Variants in MYPN observed in about 807,000 individuals in gnomAD.
MYPN encodes the protein sarcomeric protein myopalladin, 145 kDa (MYOP).
Under a neutral mutation model 129.4 loss-of-function variants are expected in MYPN, and 63 were observed. The ratio of observed to expected loss-of-function variants is 0.49; its 90% CI spans 0.40 to 0.60. The LOEUF (loss-of-function observed/expected upper bound fraction) is 0.60. Among genes scored for constraint, MYPN ranks in the 20% least tolerant of loss-of-function variants. The pLI is 0.00. For synonymous variants in MYPN, 629 were observed against 600.9 expected (o/e 1.05, Z -0.68); for missense variants, 1,596 against 1,635.4 (o/e 0.98, Z 0.42).
chr10:68,200,762 A>C (rs536222069), intron 17 of MYPN, among the ~76,000 whole-genome samples: 1 of 152,190 alleles, frequency 6.6e-6, no homozygotes, highest in Non-Finnish European at 1.5e-5. Flanking sequence ...CATCTCAAAA[A>C]AAAAAAGAAG....
chr10:68,198,850 A>G (rs1288716712), intron 16 of MYPN, among the ~76,000 whole-genome samples: 1 of 143,954 alleles, frequency 6.9e-6, no homozygotes, highest in African/African-American at 2.5e-5. Flanking sequence ...GGAGCATACC[A>G]TGCCCTGTTG....
At chr10:68,191,453 A>G (rs2043510690) in intron 13 of MYPN, among the ~76,000 whole-genome samples, 1 of 152,042 alleles carries the variant, frequency 6.6e-6, no homozygotes. Flanking sequence ...CCTGGCCTCA[A>G]GTGATCTGCT....
intron 6 of MYPN, among the ~76,000 whole-genome samples, chr10:68,151,076 C>T (rs1461428637): frequency 6.6e-6 from 1 of 152,084 alleles, no homozygotes; most frequent in African/African-American, 2.4e-5. Flanking sequence ...AGGATGACAG[C>T]CCCCCACAAC....
intron 12 of MYPN, among the ~76,000 whole-genome samples, chr10:68,182,830 C>T (rs888350094): frequency 6.6e-6 from 1 of 152,078 alleles, no homozygotes; most frequent in Non-Finnish European, 1.5e-5. Context: ...TTTTTAAAAA[C>T]TCATTGAGTT....
Position 68,196,937 on chromosome 10 carries a change from C to T in MYPN, c.3159-415C>T, listed in dbSNP as rs145166810. Among the ~76,000 whole-genome samples, 1,211 of 152,266 alleles carry T rather than the reference C, an allele frequency of 8.0e-3. 7 individuals carry two copies. The highest frequency in any genetic ancestry group is 0.018 in the South Asian group (87 of 4,824). On this transcript the variant is annotated intron_variant, in intron 15 of 19. Coordinates refer to ENST00000358913, the MANE Select transcript of MYPN (RefSeq NM_032578.4). ...CAGGTTAAATTTTATTACTCAAAGA[C>T]ACAGGGATTGCAGCTGCCTTACTCT...
chr10:68,195,541 A>C lies in MYPN; in HGVS notation c.3158+9A>C. The C allele has an allele frequency of 6.2e-7, 1 of 1,612,420 alleles. No individual in the cohort carries two copies. Among genetic ancestry groups the C allele is most frequent in the Admixed American group, 1.7e-5 (1 of 60,004 alleles). On this transcript the variant is annotated intron_variant, in intron 15 of 19. Transcript: ENST00000358913. The stretch of plus-strand genomic sequence containing the variant: ...GCTGGTCAGTCTCACAGGTAAAGAC[A>C]GTAAGAATTCCCCCTCTCTAGGCCC...
chr10:68,165,835 G>T lies in MYPN; in HGVS notation c.1600+17G>T. On this transcript the variant is annotated intron_variant, in intron 9 of 19. Transcript: ENST00000358913. ...ACGTGAGAGGTAAGGACTCTTTAATGCTAGAACAGTTTAGCCTATGACTTT... is the reference window on the plus strand; with the variant it reads ...ACGTGAGAGGTAAGGACTCTTTAATTCTAGAACAGTTTAGCCTATGACTTT... 6.3e-7 allele frequency: 1 copy of T among 1,587,982 alleles called. No individual in the cohort carries two copies. The highest frequency in any genetic ancestry group is 8.6e-7 in the Non-Finnish European group (1 of 1,156,238).
chr10:68,098,329 A>G lies in MYPN; in HGVS notation c.-2+10337A>G, dbSNP rs185542324. On this transcript the variant is annotated intron_variant, in intron 1 of 6. Transcript: ENST00000685154. Reference sequence around the variant, plus strand: ...AAGTTAAACATTACCTGATCGTGGCACTTGGAAACGTTCTCTGCCCTTCAC... The same window carrying G: ...AAGTTAAACATTACCTGATCGTGGCGCTTGGAAACGTTCTCTGCCCTTCAC... Among the ~76,000 whole-genome samples the G allele has an allele frequency of 7.9e-5, 12 of 152,256 alleles. No individual in the cohort carries two copies. The East Asian group carries it at 2.3e-3, about 29-fold the overall frequency.
intron 18 of MYPN, 68 bp downstream of exon 18, chr10:68,202,062 T>C: frequency 6.4e-7 from 1 of 1,556,932 alleles, no homozygotes; most frequent in African/African-American, 1.4e-5. Flanking sequence ...CCCAAATAAG[T>C]CTGCTGCTAT....
chr10:68,187,663 A>T (rs2043443268), intron 12 of MYPN, among the ~76,000 whole-genome samples: 1 of 152,182 alleles, frequency 6.6e-6, no homozygotes, highest in Non-Finnish European at 1.5e-5. Context: ...TGACTCTGGA[A>T]TTCTGGGAAA....
chr10:68,095,775 G>C (rs2041953743), intron 1 of MYPN, among the ~76,000 whole-genome samples: 1 of 29,590 alleles, frequency 3.4e-5, no homozygotes, highest in Non-Finnish European at 5.2e-5. Context: ...GGAATAGGGG[G>C]TTATTGTTTA....
intron 2 of MYPN, among the ~76,000 whole-genome samples, chr10:68,133,634 C>G (rs1320100638): frequency 6.6e-6 from 1 of 151,934 alleles, no homozygotes; most frequent in Non-Finnish European, 1.5e-5. Context: ...TGGACATGCT[C>G]CAGGCTCAGG....
intron 2 of MYPN, among the ~76,000 whole-genome samples, chr10:68,132,169 T>A (rs2042421497): frequency 6.6e-6 from 1 of 152,252 alleles, no homozygotes; most frequent in Non-Finnish European, 1.5e-5. Flanking sequence ...TAAGTTCTGA[T>A]GTCTAAAATA....
intron 11 of MYPN, 78 bp downstream of exon 11, chr10:68,174,734 AG>A: frequency 7.4e-7 from 1 of 1,348,586 alleles, no homozygotes; most frequent in South Asian, 1.2e-5. Context: ...GATCTGAAAC[AG>A]GGCTCTCATT....
intron 2 of MYPN, chr10:68,136,614 T>C: frequency 6.6e-7 from 1 of 1,526,398 alleles, no homozygotes; most frequent in Non-Finnish European, 8.8e-7. Context: ...GCTGAGGCCA[T>C]CCTGGCCATC....
intron 2 of MYPN, among the ~76,000 whole-genome samples, chr10:68,133,654 T>TA (rs1437339190): frequency 1.3e-5 from 2 of 151,808 alleles, no homozygotes; most frequent in African/African-American, 4.8e-5. Context: ...GGACAAAAGA[T>TA]ACAATAAGCG....
chr10:68,168,121 C>T (rs1368806709), intron 10 of MYPN, among the ~76,000 whole-genome samples: 3 of 152,174 alleles, frequency 2.0e-5, no homozygotes, highest in African/African-American at 7.2e-5. Flanking sequence ...CCATCATGGC[C>T]ATGTCCCCAT....
At chr10:68,102,246 T>A (rs1003277287), upstream of MYPN, among the ~76,000 whole-genome samples, 2 of 148,426 alleles carry the variant, frequency 1.3e-5, no homozygotes, top group African/African-American at 5.0e-5. Flanking sequence ...TGCCTCAGCC[T>A]CCCAGGTAGC....
chr10:68,136,326 A>G, intron 2 of MYPN: 1 of 967,912 alleles, frequency 1.0e-6, no homozygotes, highest in Non-Finnish European at 1.2e-6. Flanking sequence ...ACTCATTTCT[A>G]TTGAGCCATG....
Sources: gnomAD v4.1 joint callset for allele counts (sites outside exome capture counted in the v4.1 genomes callset) on GRCh38, gnomAD v4.1.1 for gene constraint, MANE v1.5 for transcripts, NCBI Gene and HGNC (gene_info 2026-07-23, HGNC 2026-07-21) for gene names.